DDX60L: variants seen among roughly 807,000 people sequenced by gnomAD.
DDX60L encodes DExD/H-box 60 like.
Under a neutral mutation model 211.6 loss-of-function variants are expected in DDX60L, and 191 were observed. That is an observed-to-expected ratio of 0.90 (90% confidence interval 0.80 to 1.02). The LOEUF (loss-of-function observed/expected upper bound fraction) is 1.02, where lower values mean the gene tolerates loss of function less well. Among genes scored for constraint, DDX60L ranks in the 50% least tolerant of loss-of-function variants. The pLI, the probability that DDX60L is intolerant of heterozygous loss-of-function variation, is 0.00. For synonymous variants in DDX60L, 706 were observed against 694.1 expected (o/e 1.02, Z -0.27); for missense variants, 2,007 against 1,984.1 (o/e 1.01, Z -0.22).
intron 25 of DDX60L, among the ~76,000 whole-genome samples, chr4:168,402,945 A>G (rs540576776): frequency 1.1e-4 from 17 of 152,380 alleles, no homozygotes; most frequent in African/African-American, 3.8e-4. Flanking sequence ...AAGTAAATGC[A>G]TGTAAGTGTA....
At chr4:168,384,456 C>T (rs1180604949) in intron 30 of DDX60L, among the ~76,000 whole-genome samples, 156 bp downstream of exon 30, 1 of 152,174 alleles carries the variant, frequency 6.6e-6, no homozygotes, top group East Asian at 1.9e-4. Flanking sequence ...CACTGCACTC[C>T]AGCCTAGATG....
chr4:168,412,180 G>A (rs1418282176), intron 22 of DDX60L, among the ~76,000 whole-genome samples: 1 of 151,588 alleles, frequency 6.6e-6, no homozygotes, highest in Non-Finnish European at 1.5e-5. Flanking sequence ...GCTATGGGGA[G>A]AGACTACTTC....
chr4:168,429,791 G>T (rs956326280), intron 13 of DDX60L, among the ~76,000 whole-genome samples: 1 of 152,200 alleles, frequency 6.6e-6, no homozygotes, highest in Non-Finnish European at 1.5e-5. Flanking sequence ...GATAGTGAAT[G>T]AGTGACTTGT....
intron 10 of DDX60L, among the ~76,000 whole-genome samples, chr4:168,434,440 TA>T (rs1363030290): frequency 6.6e-6 from 1 of 152,096 alleles, no homozygotes; most frequent in African/African-American, 2.4e-5. Flanking sequence ...CTATGAGAAA[TA>T]AAATTGTAAG....
In DDX60L at chr4:168,457,959, T is replaced by C. The variant is rs1297227000; in HGVS notation, c.656A>G (p.Glu219Gly). ...TGCTAATACTAAAACCCTTATTTCTTCCAAGTGTTGTATGAGGCTTTTATA... is the reference window on the plus strand; with the variant it reads ...TGCTAATACTAAAACCCTTATTTCTCCCAAGTGTTGTATGAGGCTTTTATA... ...SAYKSLIQHL[E>G]EIRVLVLATH... Residue 219 changes from glutamate (E) to glycine (G), a missense_variant, in exon 6 of 38, where the codon GAA becomes GGA. Glu to Gly is a moderately conservative substitution (Grantham distance 98, BLOSUM62 -2). Coordinates refer to ENST00000682922, the MANE Select transcript of DDX60L (RefSeq NM_001012967.3). The C allele has an allele frequency of 1.3e-6, 2 of 1,571,900 alleles. No individual in the cohort carries two copies. The highest frequency in any genetic ancestry group is 2.3e-5 in the East Asian group (1 of 43,824).
rs144136014 is a variant in DDX60L, at chr4:168,437,745, T to A, written c.1294+3592A>T. On this transcript the variant is annotated intron_variant, in intron 10 of 37. Coordinates refer to ENST00000682922, the MANE Select transcript of DDX60L (RefSeq NM_001012967.3). ...AAGGTGATGTCATGCACCCTATAGG[T>A]CACTATGACTCAGTATACCGTGGCT... Among the ~76,000 whole-genome samples, 798 of 152,300 alleles carry A rather than the reference T, an allele frequency of 5.2e-3. 5 individuals carry two copies. The highest frequency in any genetic ancestry group is 0.017 in the African/African-American group (705 of 41,578).
At chr4:168,457,769 T>C (rs1756791518) in intron 6 of DDX60L, 123 bp downstream of exon 6, 1 of 506,956 alleles carries the variant, frequency 2.0e-6, no homozygotes, top group Non-Finnish European at 3.5e-6. Flanking sequence ...TCAGATAGTA[T>C]ACATGTACTA....
Position 168,373,762 on chromosome 4 carries a change from C to T in DDX60L, c.4680G>A (p.Leu1560=). 1.2e-6 allele frequency: 2 copies of T among 1,614,076 alleles called. No individual in the cohort carries two copies. The highest frequency in any genetic ancestry group is 1.7e-6 in the Non-Finnish European group (2 of 1,179,950). The change falls in exon 35 of 38, where the codon TTG becomes TTA. Residue 1560 remains leucine, a synonymous_variant. Transcript: ENST00000682922. ...ECEDSQLVSH[L]MSCKKGRVAI... Reference sequence around the variant, plus strand: ...CTACTCTTCCTTTCTTGCAGCTCATCAAGTGAGACACGAGTTGGGAGTCTT... The same window carrying T: ...CTACTCTTCCTTTCTTGCAGCTCATTAAGTGAGACACGAGTTGGGAGTCTT...
Position 168,360,027 on chromosome 4 carries a change from T to C in DDX60L, c.4991+1122A>G, listed in dbSNP as rs115450333. 8.2e-3 allele frequency among the ~76,000 whole-genome samples: 1,242 copies of C among 152,358 alleles called. 17 individuals are homozygous for C. Among genetic ancestry groups the C allele is most frequent in the African/African-American group, 0.028 (1,163 of 41,596 alleles). On this transcript the variant is annotated intron_variant, in intron 37 of 37. Coordinates refer to ENST00000682922, the MANE Select transcript of DDX60L (RefSeq NM_001012967.3). ...AATCTACTTAATGAATTTTCACTTC[T>C]CCTTTAAGACCTGATTGGAAATTAC...
At position 168,423,683 on chromosome 4, in the gene DDX60L, T is replaced by C. The variant is rs904567925; in HGVS notation, c.2022A>G (p.Glu674=). ...GGCATTTAGCTATATATTGATGATG[T>C]TCTGCTTCCAAAATTTCTGGGTATC... ...LERYPEILEA[E]HHQYIAKCLK... The change falls in exon 15 of 38, where the codon GAA becomes GAG. Residue 674 remains glutamate (E), a synonymous_variant. Coordinates refer to ENST00000682922, the MANE Select transcript of DDX60L (RefSeq NM_001012967.3). 2 of 1,606,316 alleles carry C rather than the reference T, an allele frequency of 1.2e-6. No individual in the cohort carries two copies. Among genetic ancestry groups the C allele is most frequent in the Non-Finnish European group, 1.7e-6 (2 of 1,176,358 alleles).
At chr4:168,361,376 G>A (rs1373301146) in intron 36 of DDX60L, 165 bp from the exon 37 acceptor site, 13 of 496,676 alleles carry the variant, frequency 2.6e-5, no homozygotes, top group African/African-American at 3.9e-5. Context: ...AGAGGCATAG[G>A]TAAAAACCAC....
intron 9 of DDX60L, among the ~76,000 whole-genome samples, chr4:168,443,126 T>C (rs1365384095): frequency 2.0e-5 from 3 of 151,394 alleles, no homozygotes; most frequent in Admixed American, 6.6e-5. Context: ...TTGAAAACTT[T>C]GAAAAAAATT....
rs761894325 is a variant in DDX60L, at chr4:168,430,566, G to A, written c.1589C>T (p.Ser530Leu). The change falls in exon 13 of 38, where the codon TCG (serine) becomes TTG (leucine). Residue 530 changes from serine (S) to leucine (L), a missense_variant. Physicochemically the swap from Ser to Leu is moderately radical, Grantham distance 145. Coordinates refer to ENST00000682922, the MANE Select transcript of DDX60L (RefSeq NM_001012967.3). ...GACTTTCGTAGAGATTGATTCTAAC[G>A]ATTTCCCATAAAATTGCTGATAATC... The part of the protein sequence containing the change: ...IQDYQQFYGK[S>L]LESISTKVIV... 1.4e-5 allele frequency: 23 copies of A among 1,606,524 alleles called. No homozygotes were observed. The highest frequency in any genetic ancestry group is 1.4e-4 in the Admixed American group (8 of 58,974).
At chr4:168,425,972 G>C (rs1358783663) in intron 14 of DDX60L, among the ~76,000 whole-genome samples, 1 of 152,182 alleles carries the variant, frequency 6.6e-6, no homozygotes, top group Non-Finnish European at 1.5e-5. Context: ...GCCAGTTGGA[G>C]ACATTGATAC....
intron 33 of DDX60L, 144 bp from the exon 34 acceptor site, chr4:168,375,668 G>A: frequency 8.8e-6 from 7 of 792,794 alleles, no homozygotes; most frequent in East Asian, 3.2e-5. Flanking sequence ...GTGAGATTAA[G>A]GTAAAATTTC....
chr4:168,386,132 G>C (rs1369556034), intron 29 of DDX60L, among the ~76,000 whole-genome samples: 1 of 152,056 alleles, frequency 6.6e-6, no homozygotes, highest in African/African-American at 2.4e-5. Flanking sequence ...AGTTCTGCTT[G>C]GTTGAAATAG....
intron 6 of DDX60L, among the ~76,000 whole-genome samples, chr4:168,457,022 G>T (rs1384561858): frequency 6.6e-6 from 1 of 151,782 alleles, no homozygotes; most frequent in Admixed American, 6.6e-5. Context: ...ACCAGCCTGG[G>T]TAACAAAGTG....
chr4:168,454,758 C>CATTTTTTTTTTTTTTTTTTTTT (rs1756275601), intron 7 of DDX60L, among the ~76,000 whole-genome samples: 1 of 88,656 alleles, frequency 1.1e-5, no homozygotes. Context: ...AAACAGCTTC[C>CATTTTTTTTTTTTTTTTTTTTT]TTTTTTTTTT....
chr4:168,390,108 A>C, intron 29 of DDX60L: 1 of 982,766 alleles, frequency 1.0e-6, no homozygotes, highest in Non-Finnish European at 1.2e-6. Context: ...ATTCACAGAG[A>C]AAGTATATTT....
Sources: allele counts gnomAD v4.1 joint callset (sites outside exome capture counted in the v4.1 genomes callset), GRCh38; gene constraint gnomAD v4.1.1; transcripts MANE v1.5; gene names NCBI Gene and HGNC (gene_info 2026-07-23, HGNC 2026-07-21).